MOK: variants seen among roughly 807,000 people sequenced by gnomAD.
MOK encodes MOK protein kinase, also known as MAPK/MAK/MRK overlapping kinase.
MOK carries 59 observed loss-of-function variants against 54.2 expected under a neutral mutation model. The observed-to-expected ratio is 1.09, with a 90% CI of 0.88 to 1.35. MOK has a LOEUF of 1.35. Ranked by LOEUF, MOK falls within the 40% of genes most tolerant of loss-of-function variation. The probability of loss-of-function intolerance (pLI) is 0.00; values close to 1 mark genes in which losing one functional copy is unlikely to be tolerated. For synonymous variants in MOK, 210 were observed against 202.7 expected (o/e 1.04, Z -0.31); for missense variants, 517 against 526.2 (o/e 0.98, Z 0.17).
chr14:102,216,062 C>T, the MOK span, among the ~76,000 whole-genome samples: 1 of 152,180 alleles, frequency 6.6e-6, no homozygotes, highest in Non-Finnish European at 1.5e-5. Context: ...ATGTTGGCAG[C>T]CGGCTGAGCC....
chr14:102,224,478 T>TA (rs991359117), downstream of MOK: 2 of 412,646 alleles, frequency 4.8e-6, no homozygotes, highest in Non-Finnish European at 9.6e-6. Context: ...TTTATTTTTT[T>TA]AAAAAATCAT....
intron 1 of MOK, among the ~76,000 whole-genome samples, chr14:102,288,638 C>T (rs1384622226): frequency 6.6e-6 from 1 of 152,120 alleles, no homozygotes; most frequent in Non-Finnish European, 1.5e-5. Context: ...AGTTACACAA[C>T]TCAGAAAATA....
rs200133600 is a variant in MOK at position 102,245,329 on chromosome 14, C to T, written c.590+5483G>A. Among the ~76,000 whole-genome samples the T allele has an allele frequency of 1.3e-5, 2 of 151,982 alleles. No individual in the cohort carries two copies. The highest frequency in any genetic ancestry group is 4.8e-5 in the African/African-American group (2 of 41,352). On this transcript the variant is annotated intron_variant, in intron 7 of 11. Coordinates refer to ENST00000361847, the MANE Select transcript of MOK (RefSeq NM_014226.3). This position sits in a 1 kb window ranked among gnomAD's most constrained non-coding sequence, Gnocchi z 4.3. ...CCCATTATCTCTTCATACCACCCCC[C>T]CAAAAATTTTCACTGCCCCAACACT... is the stretch of plus-strand genomic sequence containing the variant.
intron 2 of MOK, among the ~76,000 whole-genome samples, chr14:102,278,176 C>T (rs2066503620): frequency 6.6e-6 from 1 of 152,100 alleles, no homozygotes; most frequent in African/African-American, 2.4e-5. Flanking sequence ...ACTTATCACC[C>T]TCCAGAACTG....
chr14:102,232,070 C>G lies in MOK; in HGVS notation c.867-249G>C, dbSNP rs1054533245. ...CAGGGACTCGCAGTTTCAGATCAAA[C>G]TGTCACCTCCACAGTTAGGCAAACA... On this transcript the variant is annotated intron_variant, in intron 9 of 11. Transcript: ENST00000361847. The surrounding 1 kb of genome is among the most constrained non-coding windows in gnomAD (Gnocchi z 5.1). 4.5e-6 allele frequency: 2 copies of G among 443,552 alleles called. No individual in the cohort carries two copies. Among genetic ancestry groups the G allele is most frequent in the African/African-American group, 4.0e-5 (2 of 50,202 alleles). The allele number at this position is 443,552 out of a possible 1,614,324, so 27.5% of individuals were successfully genotyped here. A position where few individuals can be genotyped will look rare whatever the true frequency, so the allele number is the denominator to read the frequency against.
chr14:102,285,786 G>A (rs2069975439), intron 1 of MOK, among the ~76,000 whole-genome samples: 1 of 152,092 alleles, frequency 6.6e-6, no homozygotes, highest in Non-Finnish European at 1.5e-5. Context: ...CAGCTACTTG[G>A]GAGGCTGAGG....
chr14:102,233,882 C>T (rs1040518699), intron 7 of MOK, 93 bp from the exon 8 acceptor site: 4 of 895,734 alleles, frequency 4.5e-6, no homozygotes, highest in South Asian at 1.5e-5. Flanking sequence ...AAGGGGAGAT[C>T]GTGGGAAGCA....
At chr14:102,215,398 G>C in the MOK span, among the ~76,000 whole-genome samples, 703 of 152,264 alleles carry the variant, frequency 4.6e-3, 6 homozygotes, top group African/African-American at 0.016. Context: ...CCGACATTCT[G>C]TCCAGCCACC....
chr14:102,220,969 G>A (rs565292393), downstream of MOK, among the ~76,000 whole-genome samples: 3 of 152,286 alleles, frequency 2.0e-5, no homozygotes, highest in South Asian at 6.2e-4. The surrounding 1 kb of genome is among the most constrained non-coding windows in gnomAD (Gnocchi z 4.2). Context: ...GTTTCACCAT[G>A]TTGGCCAGGC....
intron 4 of MOK, among the ~76,000 whole-genome samples, chr14:102,259,047 C>A (rs1255293280): frequency 1.3e-5 from 2 of 148,214 alleles, no homozygotes; most frequent in Admixed American, 6.8e-5. Context: ...GCCTGGGCAA[C>A]AGAGTGAGAC....
At chr14:102,274,322 T>C (rs1164046265) in intron 2 of MOK, among the ~76,000 whole-genome samples, 1 of 150,970 alleles carries the variant, frequency 6.6e-6, no homozygotes, top group Non-Finnish European at 1.5e-5. Flanking sequence ...CTGCATGATC[T>C]TGGCTCACTG....
intron 7 of MOK, among the ~76,000 whole-genome samples, chr14:102,241,534 ACT>A (rs2065717344): frequency 6.6e-6 from 1 of 151,988 alleles, no homozygotes. Context: ...AAATATAAAA[ACT>A]CAACCCAGTT....
intron 2 of MOK, among the ~76,000 whole-genome samples, chr14:102,280,213 AAAG>A (rs1277080115): frequency 2.0e-5 from 3 of 151,788 alleles, no homozygotes; most frequent in African/African-American, 7.3e-5. Context: ...CTTCCTTGTC[AAAG>A]AAGGCAGAGT....
At chr14:102,300,037 C>T (rs991627751) in intron 1 of MOK, among the ~76,000 whole-genome samples, 3 of 151,758 alleles carry the variant, frequency 2.0e-5, no homozygotes, top group South Asian at 2.1e-4. Flanking sequence ...AAACTTAAGC[C>T]GGGGAGCCGG....
chr14:102,304,850 A>G (rs2072608989), intron 1 of MOK, 112 bp downstream of exon 1: 1 of 1,258,848 alleles, frequency 7.9e-7, no homozygotes, highest in African/African-American at 1.5e-5. Flanking sequence ...GCCACGGCAG[A>G]AGGCGACGAC....
intron 2 of MOK, among the ~76,000 whole-genome samples, chr14:102,267,399 C>G (rs1197833637): frequency 6.6e-6 from 1 of 152,102 alleles, no homozygotes; most frequent in Admixed American, 6.6e-5. Flanking sequence ...AACCCCGTCT[C>G]TACTAAAAAT....
At position 102,239,609 on chromosome 14, in the gene MOK, G is replaced by A. The variant is rs1211900188; in HGVS notation, c.591-5820C>T. ...AACCCGGCTGGGCACAGTGGCTCAC[G>A]CCTGTAATCCCAGTACAGTGGGAGG... On this transcript the variant is annotated intron_variant, in intron 7 of 11. Coordinates refer to ENST00000361847, the MANE Select transcript of MOK (RefSeq NM_014226.3). Among the ~76,000 whole-genome samples, 11 of 152,294 alleles carry A rather than the reference G, an allele frequency of 7.2e-5. No homozygotes were observed. In the South Asian group the frequency reaches 2.1e-3, roughly 29 times the overall value.
chr14:102,277,888 G>A lies in MOK; in HGVS notation c.122+5590C>T, dbSNP rs542824734. On this transcript the variant is annotated intron_variant, in intron 2 of 11. Coordinates refer to ENST00000361847, the MANE Select transcript of MOK (RefSeq NM_014226.3). ...TTTTGACTTTAAAAAACTGTATAAC[G>A]TTATAGATTGCATGTTTGTGTCCTC... Among the ~76,000 whole-genome samples the A allele has an allele frequency of 2.6e-5, 4 of 152,256 alleles. No homozygotes were observed. The East Asian group carries it at 5.8e-4, about 22-fold the overall frequency.
At chr14:102,291,871 C>T (rs2070789210) in intron 1 of MOK, among the ~76,000 whole-genome samples, 1 of 151,518 alleles carries the variant, frequency 6.6e-6, no homozygotes, top group African/African-American at 2.4e-5. Context: ...GACAGAAGAA[C>T]TGTCTGAACC....
Sources: allele counts gnomAD v4.1 joint callset (sites outside exome capture counted in the v4.1 genomes callset), GRCh38; gene constraint gnomAD v4.1.1; non-coding constraint Gnocchi (gnomAD v3.1); transcripts MANE v1.5; gene names NCBI Gene and HGNC (gene_info 2026-07-23, HGNC 2026-07-21).